Variants in KCNQ3 observed in about 807,000 individuals in gnomAD.
The protein encoded by KCNQ3 is potassium voltage-gated channel subfamily KQT member 3.
In KCNQ3, 30 loss-of-function variants were observed where a neutral mutation model predicts 92.5. The observed-to-expected ratio is 0.32, with a 90% confidence interval of 0.24 to 0.44. KCNQ3 has a LOEUF of 0.44. Ranked by LOEUF, KCNQ3 falls within the 20% of genes least tolerant of loss-of-function variation. The pLI, the probability that KCNQ3 is intolerant of heterozygous loss-of-function variation, is 1.00. For synonymous variants in KCNQ3, 450 were observed against 468.8 expected, an observed-to-expected ratio of 0.96 and a Z score of 0.52; for missense variants, 913 against 1,140.3, an observed-to-expected ratio of 0.80 and a Z score of 2.87.
intron 1 of KCNQ3, among the ~76,000 whole-genome samples, chr8:132,190,043 T>C (rs1827114336): frequency 6.6e-6 from 1 of 152,136 alleles, no homozygotes; most frequent in African/African-American, 2.4e-5. Context: ...ACTTTGTTTT[T>C]AGTTGGCATC....
At chr8:132,393,610 C>A (rs1480833014) in intron 1 of KCNQ3, among the ~76,000 whole-genome samples, 1 of 152,142 alleles carries the variant, frequency 6.6e-6, no homozygotes, top group East Asian at 1.9e-4. Flanking sequence ...AATGAATGGG[C>A]TGAATGATTT....
At chr8:132,471,925 T>C (rs961666747) in intron 1 of KCNQ3, among the ~76,000 whole-genome samples, 1 of 151,880 alleles carries the variant, frequency 6.6e-6, no homozygotes, top group Admixed American at 6.6e-5. Flanking sequence ...AAAAAACAAA[T>C]AATCCCATTA....
At chr8:132,156,631 T>C (rs1227116143) in intron 9 of KCNQ3, among the ~76,000 whole-genome samples, 1 of 152,174 alleles carries the variant, frequency 6.6e-6, no homozygotes, top group African/African-American at 2.4e-5. Context: ...CTCAAAGTCA[T>C]GTATCCTGGA....
chr8:132,138,802 TTTTG>T (rs1825189645), intron 11 of KCNQ3, among the ~76,000 whole-genome samples: 1 of 152,246 alleles, frequency 6.6e-6, no homozygotes, highest in Non-Finnish European at 1.5e-5. Flanking sequence ...TCAAAGTTCA[TTTTG>T]TTTGTCATAG....
intron 1 of KCNQ3, among the ~76,000 whole-genome samples, chr8:132,391,976 T>G (rs1298826019): frequency 6.6e-6 from 1 of 152,212 alleles, no homozygotes; most frequent in Non-Finnish European, 1.5e-5. Context: ...TGACACTGTG[T>G]GTCTGCATGC....
chr8:132,474,256 C>T (rs1822356981), intron 1 of KCNQ3, among the ~76,000 whole-genome samples: 2 of 152,112 alleles, frequency 1.3e-5, no homozygotes, highest in South Asian at 4.2e-4. Flanking sequence ...GGGCTAACTG[C>T]ATTCATATAT....
chr8:132,141,113 G>T lies in KCNQ3; in HGVS notation c.1465+16C>A. 1 of 1,611,412 alleles carries T rather than the reference G, an allele frequency of 6.2e-7. No individual in the cohort carries two copies. The highest frequency in any genetic ancestry group is 8.5e-7 in the Non-Finnish European group (1 of 1,177,518). On this transcript the variant is annotated intron_variant, in intron 10 of 14. Transcript: ENST00000388996. Reference sequence around the variant, plus strand: ...AAGAAGTGGAAGAGACAGGGAGGGAGATAAAAAGGCATTACCTTCAGAACT... The same window carrying T: ...AAGAAGTGGAAGAGACAGGGAGGGATATAAAAAGGCATTACCTTCAGAACT...
At chr8:132,156,516 A>C (rs1437406433) in intron 9 of KCNQ3, among the ~76,000 whole-genome samples, 1 of 152,158 alleles carries the variant, frequency 6.6e-6, no homozygotes, top group Admixed American at 6.5e-5. Flanking sequence ...AGGCAGACAC[A>C]GGTTCAAATC....
intron 1 of KCNQ3, among the ~76,000 whole-genome samples, chr8:132,328,508 C>G (rs147029371): frequency 6.6e-6 from 1 of 152,116 alleles, no homozygotes; most frequent in Admixed American, 6.5e-5. Flanking sequence ...TGGGTGAACA[C>G]GCCCAAGTTA....
chr8:132,132,125 ATTTG>A, intron 14 of KCNQ3, 51 bp downstream of exon 14: 3 of 1,137,432 alleles, frequency 2.6e-6, no homozygotes, highest in South Asian at 1.3e-5. Flanking sequence ...AAGAAATGGC[ATTTG>A]AAAATAAATG....
rs1814094702 is a variant in KCNQ3, at chr8:132,217,921, C to T, written c.387-31740G>A. Among the ~76,000 whole-genome samples the T allele has an allele frequency of 2.0e-5, 3 of 151,984 alleles. No individual in the cohort carries two copies. The South Asian group carries it at 6.2e-4, about 32-fold the overall frequency. Reference sequence around the variant, plus strand: ...CATTAAGTGTTTGCATGCAAATGGCCCTGCCAGGCTCCTCGAAAAACAGTT... The same window carrying T: ...CATTAAGTGTTTGCATGCAAATGGCTCTGCCAGGCTCCTCGAAAAACAGTT... On this transcript the variant is annotated intron_variant, in intron 1 of 14. Transcript: ENST00000388996.
At chr8:132,371,400 T>C (rs1181225925) in intron 1 of KCNQ3, among the ~76,000 whole-genome samples, 1 of 152,216 alleles carries the variant, frequency 6.6e-6, no homozygotes, top group East Asian at 1.9e-4. Context: ...TTGCTCTAAA[T>C]GGGACTAAGA....
At chr8:132,134,438 G>A (rs1825002731) in intron 12 of KCNQ3, 50 bp from the exon 13 acceptor site, 2 of 1,282,514 alleles carry the variant, frequency 1.6e-6, no homozygotes, top group Admixed American at 1.7e-5. Context: ...GCTTTGTTTT[G>A]ACAGGAAAAC....
At chr8:132,228,391 G>A (rs1240554910) in intron 1 of KCNQ3, among the ~76,000 whole-genome samples, 1 of 152,080 alleles carries the variant, frequency 6.6e-6, no homozygotes, top group African/African-American at 2.4e-5. Context: ...GAGAGAGAGA[G>A]TGTGTCCCTT....
At chr8:132,197,856 C>T (rs1342217516) in intron 1 of KCNQ3, among the ~76,000 whole-genome samples, 1 of 152,178 alleles carries the variant, frequency 6.6e-6, no homozygotes, top group East Asian at 1.9e-4. Context: ...TAAGTATCTT[C>T]ATGTTGCAAG....
chr8:132,399,821 T>A (rs898841653), intron 1 of KCNQ3, among the ~76,000 whole-genome samples: 8 of 152,188 alleles, frequency 5.3e-5, no homozygotes, highest in Non-Finnish European at 1.0e-4. Flanking sequence ...GGGCCTCAGT[T>A]TCTCCTTCTG....
At chr8:132,479,146 A>G (rs1370163872) in intron 1 of KCNQ3, among the ~76,000 whole-genome samples, 4 of 152,088 alleles carry the variant, frequency 2.6e-5, no homozygotes, top group Non-Finnish European at 5.9e-5. Context: ...ACAGATTTCC[A>G]ATCTTGAATG....
chr8:132,392,640 A>AT (rs1290431938), intron 1 of KCNQ3, among the ~76,000 whole-genome samples: 69 of 150,854 alleles, frequency 4.6e-4, no homozygotes, highest in African/African-American at 6.8e-4. Flanking sequence ...TGACTCTACA[A>AT]TTTTTTTTTA....
At chr8:132,436,439 A>C (rs528203798) in intron 1 of KCNQ3, among the ~76,000 whole-genome samples, 2 of 152,238 alleles carry the variant, frequency 1.3e-5, no homozygotes, top group Non-Finnish European at 2.9e-5. Context: ...ATGCTTGTAC[A>C]TTATGAGAAA....
Sources: gnomAD v4.1 joint callset for allele counts (sites outside exome capture counted in the v4.1 genomes callset) on GRCh38, gnomAD v4.1.1 for gene constraint, MANE v1.5 for transcripts, NCBI Gene and HGNC (gene_info 2026-07-23, HGNC 2026-07-21) for gene names.